The following MRM3 variants were observed in gnomAD, a reference collection of about 807,000 sequenced individuals.
The protein encoded by MRM3 is rRNA methyltransferase 3, mitochondrial.
A neutral mutation model predicts 29.4 loss-of-function variants in MRM3; 26 were observed. The ratio of observed to expected loss-of-function variants is 0.89; its 90% confidence interval spans 0.65 to 1.23. The LOEUF (loss-of-function observed/expected upper bound fraction) is 1.23, where lower values mean the gene tolerates loss of function less well. Among genes scored for constraint, MRM3 ranks in the 50% most tolerant of loss-of-function variants. The pLI, the probability that MRM3 is intolerant of heterozygous loss-of-function variation, is 0.00. For synonymous variants in MRM3, 225 were observed against 219.0 expected (o/e 1.03, Z -0.24); for missense variants, 578 against 540.2 (o/e 1.07, Z -0.69).
chr17:783,679 C>A (rs1448463675), intron 2 of MRM3, among the ~76,000 whole-genome samples: 1 of 152,178 alleles, frequency 6.6e-6, no homozygotes, highest in Non-Finnish European at 1.5e-5. Context: ...GGATTAATTT[C>A]TCATACTTGT....
intron 2 of MRM3, among the ~76,000 whole-genome samples, chr17:785,739 T>G (rs1245284199): frequency 6.6e-6 from 1 of 152,228 alleles, no homozygotes; most frequent in African/African-American, 2.4e-5. Context: ...TGCATTCAAG[T>G]TTTGAAATTC....
rs200037725 is a variant in MRM3, at chr17:792,032, G to A, written c.1226G>A (p.Arg409Lys). ...LFEGKRQLRG[R>K]AEDLSRDRSY... ...GAAGGGAAAAGACAGCTGCGGGGGA[G>A]GGCGGAGGACTTGAGCAGGGACAGG... Residue 409 changes from arginine (R) to lysine (K), a missense_variant, in exon 4 of 4, where the codon AGG becomes AAG. Transcript: ENST00000304478. 1.3e-4 allele frequency: 202 copies of A among 1,612,288 alleles called. No homozygotes were observed. The highest frequency in any genetic ancestry group is 1.6e-4 in the Non-Finnish European group (192 of 1,179,316).
chr17:786,362 C>G (rs929883780), intron 2 of MRM3, among the ~76,000 whole-genome samples: 51 of 152,360 alleles, frequency 3.3e-4, no homozygotes, highest in African/African-American at 1.2e-3. Context: ...CAAGGTCCGC[C>G]TCCCGGGTTC....
At chr17:783,724 G>C (rs577263496) in intron 2 of MRM3, among the ~76,000 whole-genome samples, 2 of 152,288 alleles carry the variant, frequency 1.3e-5, no homozygotes, top group East Asian at 3.9e-4. Context: ...AATTCAAAAT[G>C]TTACAATTAG....
At position 787,964 on chromosome 17, in the gene MRM3, G is replaced by T. The variant is rs201760744; in HGVS notation, c.560-1G>T. 2 of 1,613,408 alleles carry T rather than the reference G, an allele frequency of 1.2e-6. No individual in the cohort carries two copies. The highest frequency in any genetic ancestry group is 2.7e-5 in the African/African-American group (2 of 75,048). On this transcript the variant is annotated splice_acceptor_variant, in intron 2 of 3. Coordinates refer to ENST00000304478, the MANE Select transcript of MRM3 (RefSeq NM_018146.4). LOFTEE classifies it high-confidence loss of function. The surrounding 1 kb of genome is among the most constrained non-coding windows in gnomAD (Gnocchi z 4.1). ...GTAAACCACCTGTTTTGTTTCCTCA[G>T]GGATTTTTGCCAAGCCTGACCATGT...
At chr17:785,670 T>G (rs1421977546) in intron 2 of MRM3, among the ~76,000 whole-genome samples, 1 of 152,196 alleles carries the variant, frequency 6.6e-6, no homozygotes, top group East Asian at 1.9e-4. Flanking sequence ...TTTTGCAGAG[T>G]ATGTCCCTAA....
rs1187647300 is a variant in MRM3 at position 782,615 on chromosome 17, C to T, written c.237C>T (p.Ser79=). ...GAGAGAAACAACCGCTCGAGGAGTC[C>T]GCATCCCGCGCTCCCAGCACCTGGG... The part of the protein sequence containing the change: ...EQREKQPLEE[S]ASRAPSTWEE... The change falls in exon 1 of 4, where the codon TCC becomes TCT. Residue 79 remains serine (S), a synonymous_variant. Transcript: ENST00000304478. The T allele has an allele frequency of 6.2e-7, 1 of 1,613,946 alleles. No individual in the cohort carries two copies. The highest frequency in any genetic ancestry group is 8.5e-7 in the Non-Finnish European group (1 of 1,179,948).
At position 787,540 on chromosome 17, in the gene MRM3, G is replaced by GT. The variant is rs200901472; in HGVS notation, c.560-415dup. On this transcript the variant is annotated intron_variant, in intron 2 of 3. Transcript: ENST00000304478. The surrounding 1 kb of genome is among the most constrained non-coding windows in gnomAD (Gnocchi z 4.1). The stretch of plus-strand genomic sequence containing the variant: ...TTTTGCCAATCAGAATGTATTCGTG[G>GT]TTTTTTTTTTCCTTTTTTTTCTTTT... 2.5e-4 allele frequency among the ~76,000 whole-genome samples: 37 copies of GT among 149,268 alleles called. No homozygotes were observed. The highest frequency in any genetic ancestry group is 1.7e-3 in the South Asian group (8 of 4,686).
In MRM3 at chr17:783,244, A is replaced by G. The variant is rs1485799780; in HGVS notation, c.476A>G (p.Lys159Arg). The G allele has an allele frequency of 1.9e-6, 3 of 1,614,152 alleles. No homozygotes were observed. The highest frequency in any genetic ancestry group is 1.1e-5 in the South Asian group (1 of 91,078). Reference sequence around the variant, plus strand: ...TACCTAAAGGAGTTGCCAGTCGATAAGCTGAAAGGTGTCAGCCTCATTAAG... The same window carrying G: ...TACCTAAAGGAGTTGCCAGTCGATAGGCTGAAAGGTGTCAGCCTCATTAAG... The part of the protein sequence containing the change: ...LEYLKELPVD[K>R]LKGVSLIKVK... The change falls in exon 2 of 4, where the codon AAG (lysine) becomes AGG (arginine). Residue 159 changes from lysine (K) to arginine (R), a missense_variant. By Grantham distance (26) the Lys-to-Arg change is conservative. Transcript: ENST00000304478.
At position 782,383 on chromosome 17, in the gene MRM3, C is replaced by G. The variant is rs1365701406; in HGVS notation, c.5C>G (p.Ala2Gly). The change falls in exon 1 of 4, where the codon GCG (alanine) becomes GGG (glycine). Residue 2 changes from alanine to glycine, a missense_variant. By Grantham distance (60) the Ala-to-Gly change is moderately conservative. Coordinates refer to ENST00000304478, the MANE Select transcript of MRM3 (RefSeq NM_018146.4). Reference protein sequence around the residue: MAALVRPARFVV... With the variant: MGALVRPARFVV... ...GCAGCCCGGGTCTCAGGGAACATGG[C>G]GGCGCTGGTGAGACCCGCGAGGTTT... is the stretch of plus-strand genomic sequence containing the variant. 5 of 1,613,560 alleles carry G rather than the reference C, an allele frequency of 3.1e-6. No individual in the cohort carries two copies. The highest frequency in any genetic ancestry group is 1.7e-5 in the Admixed American group (1 of 59,976).
chr17:789,787 T>A (rs1180548854), intron 3 of MRM3: 1 of 152,188 alleles, frequency 6.6e-6, no homozygotes, highest in Non-Finnish European at 1.5e-5. Context: ...CCAAGCATTG[T>A]GGTTTTCACA....
chr17:791,476 C>T, intron 3 of MRM3, 58 bp from the exon 4 acceptor site: 1 of 1,544,096 alleles, frequency 6.5e-7, no homozygotes, highest in Non-Finnish European at 8.8e-7. Context: ...ACTTACTCCA[C>T]AGTCCCCTGG....
rs75570769 is a variant in MRM3, at chr17:785,944, A to G, written c.560-2021A>G. On this transcript the variant is annotated intron_variant, in intron 2 of 3. Transcript: ENST00000304478. ...AAGGAGCACAGGAATTCACTGAAGA[A>G]GATCGCAGTCAGTCAGTAAGGTGTT... Among the ~76,000 whole-genome samples, 105 of 152,380 alleles carry G rather than the reference A, an allele frequency of 6.9e-4. No individual in the cohort carries two copies. The East Asian group carries it at 0.018, about 25-fold the overall frequency.
At chr17:786,746 T>C (rs1910553642) in intron 2 of MRM3, among the ~76,000 whole-genome samples, 1 of 152,154 alleles carries the variant, frequency 6.6e-6, no homozygotes, top group Admixed American at 6.5e-5. Flanking sequence ...GTGAATAAAC[T>C]GAAAGAGCCT....
At chr17:789,700 G>A (rs1041415352) in intron 3 of MRM3, 1 of 152,242 alleles carries the variant, frequency 6.6e-6, no homozygotes, top group African/African-American at 2.4e-5. Flanking sequence ...GGGGTTCTGT[G>A]ATCAGTACCC....
Position 792,017 on chromosome 17 carries a change from G to A in MRM3, c.1211G>A (p.Arg404Lys). 1 of 1,613,646 alleles carries A rather than the reference G, an allele frequency of 6.2e-7. No individual in the cohort carries two copies. The highest frequency in any genetic ancestry group is 8.5e-7 in the Non-Finnish European group (1 of 1,179,914). The change falls in exon 4 of 4, where the codon AGA (arginine) becomes AAA (lysine). Residue 404 changes from arginine (R) to lysine (K), a missense_variant. By Grantham distance (26) the Arg-to-Lys change is conservative. Coordinates refer to ENST00000304478, the MANE Select transcript of MRM3 (RefSeq NM_018146.4). ...AASILLFEGK[R>K]QLRGRAEDLS... ...AGCATCCTGCTTTTCGAAGGGAAAA[G>A]ACAGCTGCGGGGGAGGGCGGAGGAC... is the stretch of plus-strand genomic sequence containing the variant.
chr17:790,478 C>T (rs1910739829), intron 3 of MRM3: 2 of 178,636 alleles, frequency 1.1e-5, no homozygotes, highest in Middle Eastern at 2.8e-3. Flanking sequence ...CTGCCCACCT[C>T]CCACCTCCTG....
At chr17:788,633 A>G (rs937357954) in intron 3 of MRM3, among the ~76,000 whole-genome samples, 1 of 152,168 alleles carries the variant, frequency 6.6e-6, no homozygotes, top group Non-Finnish European at 1.5e-5. Context: ...AATCACTGTT[A>G]GGTGAGCTAT....
chr17:782,626 C>T lies in MRM3; in HGVS notation c.248C>T (p.Ala83Val), dbSNP rs1424200747. 5 of 1,613,768 alleles carry T rather than the reference C, an allele frequency of 3.1e-6. No individual in the cohort carries two copies. The Admixed American group carries it at 8.3e-5, about 27-fold the overall frequency. Residue 83 changes from alanine (A) to valine (V), a missense_variant, in exon 1 of 4, where the codon GCT (alanine) becomes GTT (valine). Coordinates refer to ENST00000304478, the MANE Select transcript of MRM3 (RefSeq NM_018146.4). ...CCGCTCGAGGAGTCCGCATCCCGCGCTCCCAGCACCTGGGAAGAGTCTGGG... is the reference window on the plus strand; with the variant it reads ...CCGCTCGAGGAGTCCGCATCCCGCGTTCCCAGCACCTGGGAAGAGTCTGGG... ...KQPLEESASR[A>V]PSTWEESGLR...
Sources: allele counts gnomAD v4.1 joint callset (sites outside exome capture counted in the v4.1 genomes callset), GRCh38; gene constraint gnomAD v4.1.1; non-coding constraint Gnocchi (gnomAD v3.1); transcripts MANE v1.5; gene names NCBI Gene and HGNC (gene_info 2026-07-23, HGNC 2026-07-21).